Variants in DGAT2 observed in about 807,000 individuals in gnomAD.
DGAT2 encodes diacylglycerol O-acyltransferase 2.
DGAT2 carries 33 observed loss-of-function variants against 48.4 expected under a neutral mutation model. The ratio of observed to expected loss-of-function variants is 0.68; its 90% CI spans 0.52 to 0.91. The LOEUF (loss-of-function observed/expected upper bound fraction) is 0.91. Ranked by LOEUF, DGAT2 falls within the 40% of genes least tolerant of loss-of-function variation. The pLI is 0.00. For missense variants in DGAT2, 446 were observed against 493.7 expected (o/e 0.90, Z 0.92); for synonymous variants, 191 against 194.1 (o/e 0.98, Z 0.13).
At chr11:75,784,144 A>G (rs1439246324) in intron 1 of DGAT2, among the ~76,000 whole-genome samples, 1 of 152,146 alleles carries the variant, frequency 6.6e-6, no homozygotes, top group African/African-American at 2.4e-5. Flanking sequence ...GGGATTGGGG[A>G]TGCTCAAAGT....
intron 1 of DGAT2, among the ~76,000 whole-genome samples, chr11:75,780,754 T>A (rs1944854820): frequency 6.6e-6 from 1 of 152,244 alleles, no homozygotes; most frequent in African/African-American, 2.4e-5. Flanking sequence ...TGAATTGGGT[T>A]CAGCTTTGCC....
chr11:75,793,855 C>T (rs1945017890), intron 4 of DGAT2: 1 of 152,228 alleles, frequency 6.6e-6, no homozygotes, highest in Admixed American at 6.5e-5. Flanking sequence ...TTAATTCCAG[C>T]TTCACTGAGA....
intron 7 of DGAT2, 63 bp from the exon 8 acceptor site, chr11:75,800,291 A>G (rs145420090): frequency 0.014 from 21,622 of 1,572,886 alleles, 178 homozygotes; most frequent in Middle Eastern, 0.021. Flanking sequence ...CACCTTCAGC[A>G]TCATGGTGGA....
At position 75,790,739 on chromosome 11, in the gene DGAT2, G is replaced by C; in HGVS notation, c.429+8G>C. The C allele has an allele frequency of 6.2e-7, 1 of 1,614,126 alleles. No individual in the cohort carries two copies. The highest frequency in any genetic ancestry group is 8.5e-7 in the Non-Finnish European group (1 of 1,179,964). On this transcript the variant is annotated splice_region_variant and intron_variant, in intron 4 of 7. Coordinates refer to ENST00000228027, the MANE Select transcript of DGAT2 (RefSeq NM_032564.5). ...GACTACTTTCCCATCCAGGTAAAGT[G>C]CTGTGAGTGTTGTTTTGGGAGGGTG...
chr11:75,782,319 A>AG (rs2135766105), intron 1 of DGAT2, among the ~76,000 whole-genome samples: 1 of 152,320 alleles, frequency 6.6e-6, no homozygotes, highest in East Asian at 1.9e-4. Context: ...TGGAGCCCAA[A>AG]GTCCTGCATT....
At chr11:75,775,456 G>T (rs773270117) in intron 1 of DGAT2, among the ~76,000 whole-genome samples, 2 of 152,226 alleles carry the variant, frequency 1.3e-5, no homozygotes, top group Non-Finnish European at 2.9e-5. Flanking sequence ...TTGCAAAACA[G>T]AACCGTTAAA....
At chr11:75,772,860 T>C (rs7947512) in intron 1 of DGAT2, among the ~76,000 whole-genome samples, 29,895 of 151,972 alleles carry the variant, frequency 0.2, 4,546 homozygotes, top group African/African-American at 0.43. Context: ...TGTGGTGGTG[T>C]GTGCCTGTAA....
chr11:75,768,985 T>A lies in DGAT2; in HGVS notation c.-7T>A. 1 of 1,527,616 alleles carries A rather than the reference T, an allele frequency of 6.5e-7. No homozygotes were observed. The allele number at this position is 1,527,616 out of a possible 1,614,324, so 94.6% of individuals were successfully genotyped here. On this transcript the variant is annotated 5_prime_UTR_variant, in exon 1 of 8. Transcript: ENST00000228027. The stretch of plus-strand genomic sequence containing the variant: ...CCCGCGGGGCCGTGACTGGGCGGGC[T>A]TCAGCCATGAAGACCCTCATAGCCG...
At position 75,800,896 on chromosome 11, in the gene DGAT2, T is replaced by G. The variant is rs1945106503; in HGVS notation, c.*388T>G. 2 of 217,602 alleles carry G rather than the reference T, an allele frequency of 9.2e-6. No individual in the cohort carries two copies. Among genetic ancestry groups the G allele is most frequent in the Non-Finnish European group, 1.8e-5 (2 of 108,404 alleles). The allele number at this position is 217,602 out of a possible 1,614,324, so 13.5% of individuals were successfully genotyped here. On this transcript the variant is annotated 3_prime_UTR_variant, in exon 8 of 8. Coordinates refer to ENST00000228027, the MANE Select transcript of DGAT2 (RefSeq NM_032564.5). Reference sequence around the variant, plus strand: ...GAAAGCCACTTCTCATACAAGCCCCTTTATTGCCACTACCCCACGCTCGTC... The same window carrying G: ...GAAAGCCACTTCTCATACAAGCCCCGTTATTGCCACTACCCCACGCTCGTC...
rs774044430 is a variant in DGAT2 at position 75,790,290 on chromosome 11, A to C, written c.353A>C (p.Lys118Thr). 124 of 1,613,446 alleles carry C rather than the reference A, an allele frequency of 7.7e-5. No individual in the cohort carries two copies. Among genetic ancestry groups the C allele is most frequent in the Non-Finnish European group, 1.0e-4 (119 of 1,179,480 alleles). ...TWLVFDWNTP[K>T]KGGRRSQWVR... Reference sequence around the variant, plus strand: ...CTGGTGTTTGACTGGAACACACCCAAGAAAGGTAAGTGCAAGGCCTCCCTT... The same window carrying C: ...CTGGTGTTTGACTGGAACACACCCACGAAAGGTAAGTGCAAGGCCTCCCTT... The change falls in exon 3 of 8, where the codon AAG becomes ACG. Residue 118 changes from lysine (K) to threonine (T), a missense_variant. Physicochemically the swap from Lys to Thr is moderately conservative, Grantham distance 78. Transcript: ENST00000228027.
chr11:75,779,287 G>T (rs1944836240), intron 1 of DGAT2, among the ~76,000 whole-genome samples: 1 of 152,184 alleles, frequency 6.6e-6, no homozygotes, highest in South Asian at 2.1e-4. Context: ...CCTTTGCCAG[G>T]ATATGTTCCT....
rs1945108852 is a variant in DGAT2 at position 75,801,153 on chromosome 11, T to C, written c.*645T>C. The C allele has an allele frequency of 6.5e-6, 1 of 153,044 alleles. No homozygotes were observed. The highest frequency in any genetic ancestry group is 2.4e-5 in the African/African-American group (1 of 41,448). 9.5% of individuals were successfully genotyped at this position (153,044 alleles called of 1,614,324 possible). A position where few individuals can be genotyped will look rare whatever the true frequency, so the allele number is the denominator to read the frequency against. The stretch of plus-strand genomic sequence containing the variant: ...GGAAAGGACTGCCCCCCATGCACCA[T>C]TGCAGGGAGGATGCCGCCACCATGA... On this transcript the variant is annotated 3_prime_UTR_variant, in exon 8 of 8. Transcript: ENST00000228027.
At chr11:75,797,761 C>A (rs1329857760) in intron 6 of DGAT2, among the ~76,000 whole-genome samples, 1 of 152,070 alleles carries the variant, frequency 6.6e-6, no homozygotes, top group Non-Finnish European at 1.5e-5. Context: ...CCTGGGCCAG[C>A]CCCTGGGGAC....
chr11:75,785,864 A>G (rs1321185066), intron 2 of DGAT2, among the ~76,000 whole-genome samples: 2 of 152,346 alleles, frequency 1.3e-5, no homozygotes, highest in East Asian at 3.9e-4. Flanking sequence ...GCAAATTCAC[A>G]AAGGTTCATC....
At chr11:75,780,839 A>G (rs1944855760) in intron 1 of DGAT2, among the ~76,000 whole-genome samples, 1 of 152,228 alleles carries the variant, frequency 6.6e-6, no homozygotes, top group South Asian at 2.1e-4. Context: ...CAGGAGTCCA[A>G]GTGCCTGTGC....
At chr11:75,769,229 AT>A in intron 1 of DGAT2, 117 bp downstream of exon 1, 1 of 1,273,366 alleles carries the variant, frequency 7.9e-7, no homozygotes, top group Non-Finnish European at 1.0e-6. Flanking sequence ...GCACTCATCA[AT>A]TTTTACGACC....
chr11:75,774,396 C>T (rs1168868283), intron 1 of DGAT2, among the ~76,000 whole-genome samples: 3 of 152,240 alleles, frequency 2.0e-5, no homozygotes, highest in Non-Finnish European at 4.4e-5. Context: ...TGCAGACAGG[C>T]TACACCCTGT....
At chr11:75,790,546 G>A in intron 3 of DGAT2, 115 bp from the exon 4 acceptor site, 3 of 980,606 alleles carry the variant, frequency 3.1e-6, no homozygotes, top group Non-Finnish European at 5.0e-6. Flanking sequence ...GATGGGAAGG[G>A]GGCATGGTGC....
At chr11:75,797,131 GA>G in intron 5 of DGAT2, 26 bp from the exon 6 acceptor site, 1 of 1,457,428 alleles carries the variant, frequency 6.9e-7, no homozygotes, top group Non-Finnish European at 9.1e-7. Flanking sequence ...GGGCAACCCT[GA>G]CTGTTGCGTC....
Sources: allele counts gnomAD v4.1 joint callset (sites outside exome capture counted in the v4.1 genomes callset), GRCh38; gene constraint gnomAD v4.1.1; transcripts MANE v1.5; gene names NCBI Gene and HGNC (gene_info 2026-07-23, HGNC 2026-07-21).